Variants in ZNF283 observed in about 807,000 individuals in gnomAD.
ZNF283 encodes the protein zinc finger protein 283.
A neutral mutation model predicts 9.2 loss-of-function variants in ZNF283; 10 were observed. The observed-to-expected ratio is 1.09, with a 90% CI of 0.67 to 1.85. ZNF283 has a LOEUF of 1.85. Ranked by LOEUF, ZNF283 falls within the 40% of genes most tolerant of loss-of-function variation. The pLI, the probability that ZNF283 is intolerant of heterozygous loss-of-function variation, is 0.00. For missense variants in ZNF283, 631 were observed against 760.1 expected (o/e 0.83, Z 2.00); for synonymous variants, 234 against 244.1 (o/e 0.96, Z 0.38).
rs1970518447 is a variant in ZNF283 at position 43,827,393 on chromosome 19, A to C, written c.-196A>C. On this transcript the variant is annotated 5_prime_UTR_variant, in exon 1 of 7. Transcript: ENST00000618787. ...ATCAGCCTCTGGGTCCAAACTAACC[A>C]CAGGTCTCTGGGTCCTTTTCCGGTG... 6.6e-6 allele frequency: 1 copy of C among 152,220 alleles called. No homozygotes were observed. The highest frequency in any genetic ancestry group is 2.4e-5 in the African/African-American group (1 of 41,396). The allele number at this position is 152,220 out of a possible 1,614,324, so 9.4% of individuals were successfully genotyped here. A position where few individuals can be genotyped will look rare whatever the true frequency, so the allele number is the denominator to read the frequency against.
At position 43,837,189 on chromosome 19, in the gene ZNF283, T is replaced by A. The variant is rs765117170; in HGVS notation, c.337+10T>A. 1 of 1,582,462 alleles carries A rather than the reference T, an allele frequency of 6.3e-7. No individual in the cohort carries two copies. Among genetic ancestry groups the A allele is most frequent in the East Asian group, 2.3e-5 (1 of 43,970 alleles). Reference sequence around the variant, plus strand: ...AACTTGGTGTCACTGGGTAAGGTCATCTGCCTGAAATAATTTAGAGTCTCC... The same window carrying A: ...AACTTGGTGTCACTGGGTAAGGTCAACTGCCTGAAATAATTTAGAGTCTCC... On this transcript the variant is annotated intron_variant, in intron 6 of 6. Transcript: ENST00000618787.
intron 2 of ZNF283, among the ~76,000 whole-genome samples, chr19:43,830,901 TAAAAAAAAAAAAA>T (rs367850643): frequency 0.18 from 13,337 of 74,270 alleles, 828 homozygotes; most frequent in Middle Eastern, 0.27. Flanking sequence ...AGACTCCATC[TAAAAAAAAAAAAA>T]AAAAAAAAAA....
In ZNF283 at chr19:43,847,397, A is replaced by C; in HGVS notation, c.796A>C (p.Lys266Gln). The C allele has an allele frequency of 6.2e-7, 1 of 1,614,042 alleles. No individual in the cohort carries two copies. Among genetic ancestry groups the C allele is most frequent in the Non-Finnish European group, 8.5e-7 (1 of 1,179,936 alleles). The change falls in exon 7 of 7, where the codon AAG (lysine) becomes CAG (glutamine). Residue 266 changes from lysine (K) to glutamine (Q), a missense_variant. By Grantham distance (53) the Lys-to-Gln change is moderately conservative. Around this residue, in one of 3 missense-constraint regions of ZNF283, gnomAD observed 444 missense variants for 522.5 expected, o/e 0.85. Transcript: ENST00000618787. ...TACTGGTGAGAAACCCTATGAGTGT[A>C]AGGAATGTGGGAAGACCTTTAGCTG... ...FHTGEKPYEC[K>Q]ECGKTFSWGS...
rs1402337110 is a variant in ZNF283 at position 43,833,529 on chromosome 19, G to C, written c.25G>C (p.Ala9Pro). 1 of 185,952 alleles carries C rather than the reference G, an allele frequency of 5.4e-6. No individual in the cohort carries two copies. The highest frequency in any genetic ancestry group is 1.0e-5 in the Non-Finnish European group (1 of 98,946). 11.5% of individuals were successfully genotyped at this position (185,952 alleles called of 1,614,324 possible). A position where few individuals can be genotyped will look rare whatever the true frequency, so the allele number is the denominator to read the frequency against. MESRSVAQ[A>P]GVQWCDLGSL... ...GATGGAGTCTCGCTCTGTCGCCCAGGCTGGAGTGCAGTGGTGCGATCTTGG... is the reference window on the plus strand; with the variant it reads ...GATGGAGTCTCGCTCTGTCGCCCAGCCTGGAGTGCAGTGGTGCGATCTTGG... The change falls in exon 4 of 7, where the codon GCT (alanine) becomes CCT (proline). Residue 9 changes from alanine to proline, a missense_variant. By Grantham distance (27) the Ala-to-Pro change is conservative. Coordinates refer to ENST00000618787, the MANE Select transcript of ZNF283 (RefSeq NM_181845.2).
At chr19:43,836,481 A>G (rs953481406) in intron 5 of ZNF283, among the ~76,000 whole-genome samples, 9 of 152,262 alleles carry the variant, frequency 5.9e-5, no homozygotes, top group Admixed American at 3.3e-4. Context: ...AGCTGGGATT[A>G]CAGGCATCTG....
At chr19:43,830,212 C>G (rs1034460507) in intron 2 of ZNF283, among the ~76,000 whole-genome samples, 5 of 152,134 alleles carry the variant, frequency 3.3e-5, no homozygotes, top group African/African-American at 1.2e-4. Context: ...GTACCTGGGA[C>G]TACAGGTACG....
intron 4 of ZNF283, among the ~76,000 whole-genome samples, chr19:43,835,290 A>G (rs11673332): frequency 0.094 from 14,289 of 152,224 alleles, 834 homozygotes; most frequent in Non-Finnish European, 0.13. Flanking sequence ...TGAATTGTCG[A>G]ATCCCAGGTC....
Position 43,833,492 on chromosome 19 carries a change from T to TTC in ZNF283, c.1-12_1-11insCT. On this transcript the variant is annotated splice_polypyrimidine_tract_variant and intron_variant, in intron 3 of 6. Transcript: ENST00000618787. ...TTCTTCTTTACCTATTTCTTTTTTT[T>TTC]TTTTTTTTTCAGATGGAGTCTCGCT... 1 of 244,150 alleles carries TTC rather than the reference T, an allele frequency of 4.1e-6. No homozygotes were observed. Among genetic ancestry groups the TTC allele is most frequent in the Non-Finnish European group, 7.8e-6 (1 of 127,902 alleles). 15.1% of individuals were successfully genotyped at this position (244,150 alleles called of 1,614,324 possible).
At chr19:43,831,855 C>T (rs1385842957) in intron 3 of ZNF283, among the ~76,000 whole-genome samples, 1 of 152,198 alleles carries the variant, frequency 6.6e-6, no homozygotes, top group African/African-American at 2.4e-5. Flanking sequence ...TCTTGAACTC[C>T]TGAGCTCAAG....
Position 43,837,302 on chromosome 19 carries a change from A to G in ZNF283, c.337+123A>G, listed in dbSNP as rs761561416. 18 of 1,016,846 alleles carry G rather than the reference A, an allele frequency of 1.8e-5. No homozygotes were observed. The South Asian group carries it at 2.9e-4, about 16-fold the overall frequency. 63.0% of individuals were successfully genotyped at this position (1,016,846 alleles called of 1,614,324 possible). The stretch of plus-strand genomic sequence containing the variant: ...ATTTCTTCTCCCCCTTCCCAAGGGC[A>G]TGCTTTTATACTTGCTGGGTTAGAA... On this transcript the variant is annotated intron_variant, in intron 6 of 6. Coordinates refer to ENST00000618787, the MANE Select transcript of ZNF283 (RefSeq NM_181845.2).
chr19:43,828,750 G>A (rs1568411767), intron 2 of ZNF283, among the ~76,000 whole-genome samples: 1 of 150,348 alleles, frequency 6.7e-6, no homozygotes, highest in East Asian at 1.9e-4. Context: ...TGAAGTCCTG[G>A]GCTCAGGTGT....
intron 6 of ZNF283, among the ~76,000 whole-genome samples, chr19:43,840,083 G>T (rs1971139124): frequency 6.6e-6 from 1 of 152,094 alleles, no homozygotes; most frequent in Non-Finnish European, 1.5e-5. Flanking sequence ...TGCTTGTTGA[G>T]GGCTGGAGCT....
intron 2 of ZNF283, among the ~76,000 whole-genome samples, chr19:43,830,614 A>C (rs1970662610): frequency 6.6e-6 from 1 of 152,074 alleles, no homozygotes; most frequent in Non-Finnish European, 1.5e-5. Flanking sequence ...GAAAAATATT[A>C]GTGTCCAGCT....
intron 6 of ZNF283, among the ~76,000 whole-genome samples, chr19:43,839,478 C>T (rs1383147205): frequency 1.3e-5 from 2 of 151,878 alleles, no homozygotes; most frequent in Non-Finnish European, 2.9e-5. Context: ...GTATTCCTGC[C>T]TTTTGTCAGA....
At position 43,827,394 on chromosome 19, in the gene ZNF283, C is replaced by A. The variant is rs1188374805; in HGVS notation, c.-195C>A. On this transcript the variant is annotated 5_prime_UTR_variant, in exon 1 of 7. Coordinates refer to ENST00000618787, the MANE Select transcript of ZNF283 (RefSeq NM_181845.2). Reference sequence around the variant, plus strand: ...TCAGCCTCTGGGTCCAAACTAACCACAGGTCTCTGGGTCCTTTTCCGGTGT... The same window carrying A: ...TCAGCCTCTGGGTCCAAACTAACCAAAGGTCTCTGGGTCCTTTTCCGGTGT... 6.6e-6 allele frequency: 1 copy of A among 152,368 alleles called. No individual in the cohort carries two copies. Among genetic ancestry groups the A allele is most frequent in the Admixed American group, 6.5e-5 (1 of 15,280 alleles). 9.4% of individuals were successfully genotyped at this position (152,368 alleles called of 1,614,324 possible).
chr19:43,847,200 T>A lies in ZNF283; in HGVS notation c.599T>A (p.Ile200Asn). ...KSKSLTPHQR[I>N]HNTEKSYVCK... ...AAATCTCTTACTCCACATCAAAGAATTCATAATACAGAGAAATCCTATGTT... is the reference window on the plus strand; with the variant it reads ...AAATCTCTTACTCCACATCAAAGAAATCATAATACAGAGAAATCCTATGTT... Residue 200 changes from isoleucine (I) to asparagine (N), a missense_variant, in exon 7 of 7, where the codon ATT becomes AAT. By Grantham distance (149) the Ile-to-Asn change is moderately radical. This residue lies in a region of ZNF283 where 184 missense variants were observed against 220.0 expected (regional missense o/e 0.84). Coordinates refer to ENST00000618787, the MANE Select transcript of ZNF283 (RefSeq NM_181845.2). 1 of 1,613,890 alleles carries A rather than the reference T, an allele frequency of 6.2e-7. No homozygotes were observed. Among genetic ancestry groups the A allele is most frequent in the Non-Finnish European group, 8.5e-7 (1 of 1,179,802 alleles).
chr19:43,844,707 A>G (rs1971342940), intron 6 of ZNF283, among the ~76,000 whole-genome samples: 4 of 152,200 alleles, frequency 2.6e-5, no homozygotes, highest in African/African-American at 2.4e-5. Context: ...CCAAAATGTT[A>G]TACAGTCATC....
Position 43,841,268 on chromosome 19 carries a change from T to C in ZNF283, c.337+4089T>C, listed in dbSNP as rs569553254. ...TTTGCTGTATTATTTGTATTTACTTTTGGGATTACAATATGCATCCTTAAT... is the reference window on the plus strand; with the variant it reads ...TTTGCTGTATTATTTGTATTTACTTCTGGGATTACAATATGCATCCTTAAT... On this transcript the variant is annotated intron_variant, in intron 6 of 6. Transcript: ENST00000618787. Among the ~76,000 whole-genome samples, 6 of 152,288 alleles carry C rather than the reference T, an allele frequency of 3.9e-5. No homozygotes were observed. In the South Asian group the frequency reaches 1.2e-3, roughly 32 times the overall value.
At chr19:43,837,635 T>C (rs1047060697) in intron 6 of ZNF283, 2 of 173,554 alleles carry the variant, frequency 1.2e-5, no homozygotes, top group African/African-American at 4.7e-5. Context: ...AGTAAATTTA[T>C]AAATAGATAA....
Sources: gnomAD v4.1 joint callset for allele counts (sites outside exome capture counted in the v4.1 genomes callset) on GRCh38, gnomAD v4.1.1 for gene constraint, gnomAD v4.1.1 regional missense constraint, MANE v1.5 for transcripts, NCBI Gene and HGNC (gene_info 2026-07-23, HGNC 2026-07-21) for gene names.